The following IGSF8 variants were observed in gnomAD, a reference collection of about 807,000 sequenced individuals.
The protein encoded by IGSF8 is immunoglobulin superfamily member 8.
Under a neutral mutation model 55.5 loss-of-function variants are expected in IGSF8, and 46 were observed. That is an observed-to-expected ratio of 0.83 (90% CI 0.65 to 1.06). The LOEUF (loss-of-function observed/expected upper bound fraction) is 1.06. Among genes scored for constraint, IGSF8 ranks in the 50% least tolerant of loss-of-function variants. IGSF8 has a pLI of 0.00. For missense variants in IGSF8, 731 were observed against 832.3 expected (o/e 0.88, Z 1.50); for synonymous variants, 314 against 356.1 (o/e 0.88, Z 1.33).
At chr1:160,098,270 G>T in intron 1 of IGSF8, 139 bp downstream of exon 1, 1 of 1,269,648 alleles carries the variant, frequency 7.9e-7, no homozygotes, top group Non-Finnish European at 1.1e-6. Context: ...GCCACAAAGC[G>T]CAGCTGGACG....
At chr1:160,092,130 T>C in intron 5 of IGSF8, 152 bp downstream of exon 5, 1 of 959,506 alleles carries the variant, frequency 1.0e-6, no homozygotes, top group Admixed American at 2.0e-5. Flanking sequence ...AGGTGGGCAC[T>C]GCAGGGCTGG....
Position 160,094,630 on chromosome 1 carries a change from T to C in IGSF8, c.442+239A>G, listed in dbSNP as rs1650283736. 6.6e-6 allele frequency among the ~76,000 whole-genome samples: 1 copy of C among 152,050 alleles called. No individual in the cohort carries two copies. ...GTGGACTGGACAACTTAAGGACATT[T>C]CTTCTCCCAGGAGGGGTCTTAATAT... On this transcript the variant is annotated intron_variant, in intron 2 of 6. Coordinates refer to ENST00000314485, the MANE Select transcript of IGSF8 (RefSeq NM_052868.6). The surrounding 1 kb of genome is among the most constrained non-coding windows in gnomAD (Gnocchi z 4.0).
Position 160,092,704 on chromosome 1 carries a change from C to A in IGSF8, c.1313-9G>T. 1 of 1,599,132 alleles carries A rather than the reference C, an allele frequency of 6.3e-7. No individual in the cohort carries two copies. Among genetic ancestry groups the A allele is most frequent in the Non-Finnish European group, 8.5e-7 (1 of 1,179,608 alleles). On this transcript the variant is annotated splice_polypyrimidine_tract_variant and intron_variant, in intron 4 of 6. Coordinates refer to ENST00000314485, the MANE Select transcript of IGSF8 (RefSeq NM_052868.6). Reference sequence around the variant, plus strand: ...AGCCTCCAGCACCACACCTGCAGAACAAAGGACATGGGGTCAGAGGGTGCA... The same window carrying A: ...AGCCTCCAGCACCACACCTGCAGAAAAAAGGACATGGGGTCAGAGGGTGCA...
At position 160,094,291 on chromosome 1, in the gene IGSF8, T is replaced by G; in HGVS notation, c.443-120A>C. ...CTCCCAGAGGGCAAAGATCGCATGT[T>G]GTATTATTTCTTCTGTAACTCAGTG... On this transcript the variant is annotated intron_variant, in intron 2 of 6. Transcript: ENST00000314485. The surrounding 1 kb of genome is among the most constrained non-coding windows in gnomAD (Gnocchi z 4.0). The G allele has an allele frequency of 1.5e-6, 1 of 677,846 alleles. No individual in the cohort carries two copies. The highest frequency in any genetic ancestry group is 2.9e-5 in the Admixed American group (1 of 34,854). The allele number at this position is 677,846 out of a possible 1,614,324, so 42.0% of individuals were successfully genotyped here. A position where few individuals can be genotyped will look rare whatever the true frequency, so the allele number is the denominator to read the frequency against.
At chr1:160,098,804 C>T (rs1244562825), upstream of IGSF8, 12 of 238,374 alleles carry the variant, frequency 5.0e-5, no homozygotes, top group South Asian at 9.3e-4. Context: ...CGCACCTGGC[C>T]CCGGCCCCGC....
rs965006454 is a variant in IGSF8, at chr1:160,095,054, A to G, written c.257T>C (p.Phe86Ser). 52 of 1,613,994 alleles carry G rather than the reference A, an allele frequency of 3.2e-5. No individual in the cohort carries two copies. The highest frequency in any genetic ancestry group is 4.2e-5 in the Non-Finnish European group (50 of 1,180,020). ...LGIVSTKDTQ[F>S]SYAVFKSRVV... is the part of the protein sequence containing the mutation. ...TCGGGACTTGAAGACAGCATAGGAGAACTGGGTATCCTTGGTACTGACAAT... is the reference window on the plus strand; with the variant it reads ...TCGGGACTTGAAGACAGCATAGGAGGACTGGGTATCCTTGGTACTGACAAT... The change falls in exon 2 of 7, where the codon TTC (phenylalanine) becomes TCC (serine). Residue 86 changes from phenylalanine (F) to serine (S), a missense_variant. Coordinates refer to ENST00000314485, the MANE Select transcript of IGSF8 (RefSeq NM_052868.6).
intron 1 of IGSF8, 145 bp downstream of exon 1, chr1:160,098,264 C>G: frequency 8.0e-7 from 1 of 1,253,468 alleles, no homozygotes; most frequent in Non-Finnish European, 1.1e-6. Context: ...CGGACAGCCA[C>G]AAAGCGCAGC....
At position 160,092,412 on chromosome 1, in the gene IGSF8, G is replaced by A. The variant is rs748292059; in HGVS notation, c.1596C>T (p.His532=). 5.0e-6 allele frequency: 8 copies of A among 1,610,566 alleles called. No individual in the cohort carries two copies. Among genetic ancestry groups the A allele is most frequent in the Non-Finnish European group, 6.8e-6 (8 of 1,177,364 alleles). ...CGCCTTCATCCTCGGGCCCCAAGCT[G>A]TGTAGTCTCAGCCGATGGCTTCGGG... ...VGPRSHRLRL[H]SLGPEDEGVY... Residue 532 remains histidine, a synonymous_variant, in exon 5 of 7, where the codon CAC becomes CAT. Coordinates refer to ENST00000314485, the MANE Select transcript of IGSF8 (RefSeq NM_052868.6).
Position 160,098,466 on chromosome 1 carries a change from C to G in IGSF8, c.7G>C (p.Ala3Pro), listed in dbSNP as rs925565095. The G allele has an allele frequency of 3.2e-6, 5 of 1,541,152 alleles. No individual in the cohort carries two copies. Among genetic ancestry groups the G allele is most frequent in the South Asian group, 2.4e-5 (2 of 83,488 alleles). Residue 3 changes from alanine (A) to proline (P), a missense_variant, in exon 1 of 7, where the codon GCC becomes CCC. By Grantham distance (27) the Ala-to-Pro change is conservative (BLOSUM62 -1). Coordinates refer to ENST00000314485, the MANE Select transcript of IGSF8 (RefSeq NM_052868.6). ...GGCGGCAGCAGCGTGGGCCTGAGGG[C>G]GCCCATCCTGCGCGGCCAGCTCTGG... MG[A>P]LRPTLLPPSL... is the part of the protein sequence containing the mutation.
chr1:160,093,197 T>A lies in IGSF8; in HGVS notation c.1039A>T (p.Met347Leu). ...GGCCCAGGTGCCCCCGCAGGTGCCA[T>A]CTCCCAACCTACAGAGTATGCAGCA... ...RHAAYSVGWEMAPAGAPGPGR... is the reference protein window; with the variant it reads ...RHAAYSVGWELAPAGAPGPGR... Residue 347 changes from methionine to leucine, a missense_variant, in exon 4 of 7, where the codon ATG (methionine) becomes TTG (leucine). Met to Leu is a conservative substitution (Grantham distance 15). Transcript: ENST00000314485. 1 of 1,613,872 alleles carries A rather than the reference T, an allele frequency of 6.2e-7. No homozygotes were observed. The highest frequency in any genetic ancestry group is 8.5e-7 in the Non-Finnish European group (1 of 1,179,900).
rs754936914 is a variant in IGSF8, at chr1:160,092,695, C to T, written c.1313G>A (p.Gly438Asp). 2 of 1,599,524 alleles carry T rather than the reference C, an allele frequency of 1.3e-6. No homozygotes were observed. Among genetic ancestry groups the T allele is most frequent in the East Asian group, 2.2e-5 (1 of 44,874 alleles). The change falls in exon 5 of 7, where the codon GGT (glycine) becomes GAT (aspartate). Residue 438 changes from glycine (G) to aspartate (D), a missense_variant and splice_region_variant. By Grantham distance (94) the Gly-to-Asp change is moderately conservative. Coordinates refer to ENST00000314485, the MANE Select transcript of IGSF8 (RefSeq NM_052868.6). Reference protein sequence around the residue: ...RPLPVHVREEGVVLEAVAWLA... With the variant: ...RPLPVHVREEDVVLEAVAWLA... ...CCATGCCACAGCCTCCAGCACCACA[C>T]CTGCAGAACAAAGGACATGGGGTCA...
At chr1:160,095,455 G>A (rs1650368264) in intron 1 of IGSF8, 6 of 602,136 alleles carry the variant, frequency 1.0e-5, no homozygotes, top group Non-Finnish European at 1.7e-5. Context: ...GCCCAGGATT[G>A]CCTTGGCATC....
In IGSF8 at chr1:160,092,923, C is replaced by T; in HGVS notation, c.1312+1G>A. ...CCGTCCAGGGCCCAGCCCCCTCTCACCTTCCTCCCGCACATGTACAGGGAG... is the reference window on the plus strand; with the variant it reads ...CCGTCCAGGGCCCAGCCCCCTCTCATCTTCCTCCCGCACATGTACAGGGAG... On this transcript the variant is annotated splice_donor_variant, in intron 4 of 6. Transcript: ENST00000314485. LOFTEE classifies it high-confidence loss of function. 2 of 1,590,946 alleles carry T rather than the reference C, an allele frequency of 1.3e-6. No individual in the cohort carries two copies. Among genetic ancestry groups the T allele is most frequent in the South Asian group, 1.1e-5 (1 of 89,858 alleles).
upstream of IGSF8, chr1:160,098,696 C>G: frequency 2.0e-6 from 1 of 511,852 alleles, no homozygotes; most frequent in Non-Finnish European, 3.4e-6. Flanking sequence ...CGGCCCGCCC[C>G]GGCACCGCCC....
At chr1:160,092,851 G>C in intron 4 of IGSF8, 73 bp downstream of exon 4, 1 of 1,516,382 alleles carries the variant, frequency 6.6e-7, no homozygotes, top group Non-Finnish European at 8.9e-7. Context: ...GACGGAGAGG[G>C]AGGGGTCATG....
chr1:160,092,849 G>T, intron 4 of IGSF8, 75 bp downstream of exon 4: 1 of 1,515,572 alleles, frequency 6.6e-7, no homozygotes, highest in Non-Finnish European at 9.0e-7. Context: ...CTGACGGAGA[G>T]GGAGGGGTCA....
intron 6 of IGSF8, 94 bp from the exon 7 acceptor site, chr1:160,091,702 G>A (rs1649964437): frequency 4.0e-6 from 3 of 745,168 alleles, no homozygotes; most frequent in South Asian, 3.2e-5. Context: ...GTGGATCTGA[G>A]CTGCCTACTC....
chr1:160,098,806 C>G (rs1650640412), upstream of IGSF8: 2 of 235,796 alleles, frequency 8.5e-6, no homozygotes, highest in East Asian at 1.7e-4. Context: ...CACCTGGCCC[C>G]GGCCCCGCCC....
intron 1 of IGSF8, chr1:160,097,659 T>C (rs751598811): frequency 1.0e-6 from 1 of 984,306 alleles, no homozygotes; most frequent in Non-Finnish European, 1.2e-6. Context: ...ACTGTCATTA[T>C]CCCCATGCAT....
Sources: gnomAD v4.1 joint callset for allele counts (sites outside exome capture counted in the v4.1 genomes callset) on GRCh38, gnomAD v4.1.1 for gene constraint, Gnocchi (gnomAD v3.1) non-coding constraint, MANE v1.5 for transcripts, NCBI Gene and HGNC (gene_info 2026-07-23, HGNC 2026-07-21) for gene names.